The following SLC1A2 variants were observed in gnomAD, a reference collection of about 807,000 sequenced individuals.
SLC1A2 encodes solute carrier family 1 member 2.
A neutral mutation model predicts 48.8 loss-of-function variants in SLC1A2; 15 were observed. That is an observed-to-expected ratio of 0.31 (90% confidence interval 0.21 to 0.47). SLC1A2 has a LOEUF of 0.47. SLC1A2 is among the 20% of genes least tolerant of loss of function. The pLI is 0.99. For missense variants in SLC1A2, 502 were observed against 730.5 expected, an observed-to-expected ratio of 0.69 and a Z score of 3.61; for synonymous variants, 279 against 272.6, an observed-to-expected ratio of 1.02 and a Z score of -0.23.
At position 35,296,796 on chromosome 11, in the gene SLC1A2, G is replaced by T. The variant is rs115813010; in HGVS notation, c.858-4276C>A. 9.3e-3 allele frequency among the ~76,000 whole-genome samples: 1,409 copies of T among 152,212 alleles called. 25 individuals are homozygous for T. The highest frequency in any genetic ancestry group is 0.032 in the African/African-American group (1,338 of 41,494). On this transcript the variant is annotated intron_variant, in intron 6 of 10. Coordinates refer to ENST00000278379, the MANE Select transcript of SLC1A2 (RefSeq NM_004171.4). ...GTCACCTTTCCAGACAGCACCACGT[G>T]GGCCATCACTTCTACCCCCATCACT...
intron 1 of SLC1A2, among the ~76,000 whole-genome samples, chr11:35,360,525 G>C (rs565794092): frequency 1.3e-5 from 2 of 152,238 alleles, no homozygotes; most frequent in East Asian, 3.9e-4. Flanking sequence ...CTTGCTCTTT[G>C]ACATTTAACC....
chr11:35,412,835 GT>G (rs1855502924), intron 1 of SLC1A2, among the ~76,000 whole-genome samples: 1 of 152,192 alleles, frequency 6.6e-6, no homozygotes, highest in Admixed American at 6.5e-5. Flanking sequence ...GACCCATGTG[GT>G]CATGCCCTGG....
At chr11:35,265,822 A>G in intron 9 of SLC1A2, 64 bp from the exon 10 acceptor site, 3 of 1,009,290 alleles carry the variant, frequency 3.0e-6, no homozygotes, top group Non-Finnish European at 3.0e-6. Context: ...TGAGAGGTCA[A>G]GGTCTGGAGT....
At chr11:35,383,257 A>G (rs1020153024) in intron 1 of SLC1A2, among the ~76,000 whole-genome samples, 16 of 152,252 alleles carry the variant, frequency 1.1e-4, no homozygotes, top group Non-Finnish European at 1.5e-5. Flanking sequence ...ATAAACTAAA[A>G]TGACAACAGT....
chr11:35,331,300 C>A (rs1461334274), intron 1 of SLC1A2, among the ~76,000 whole-genome samples: 2 of 152,192 alleles, frequency 1.3e-5, no homozygotes, highest in South Asian at 2.1e-4. Flanking sequence ...TTCCATCGCC[C>A]ATGGAAGCCT....
chr11:35,347,759 G>C (rs924962091), intron 1 of SLC1A2, among the ~76,000 whole-genome samples: 1 of 152,172 alleles, frequency 6.6e-6, no homozygotes, highest in African/African-American at 2.4e-5. Context: ...TTAAAATACA[G>C]ATGAAGTCTT....
intron 1 of SLC1A2, chr11:35,371,074 C>A: frequency 2.0e-6 from 2 of 984,312 alleles, no homozygotes; most frequent in Non-Finnish European, 2.4e-6. Context: ...GTTGACTCAT[C>A]TGTGTTCACT....
At chr11:35,377,274 G>A (rs1219343734) in intron 1 of SLC1A2, among the ~76,000 whole-genome samples, 1 of 152,174 alleles carries the variant, frequency 6.6e-6, no homozygotes, top group South Asian at 2.1e-4. Flanking sequence ...TGGAAACCAC[G>A]TGTCTCAAGA....
chr11:35,277,355 A>C (rs943814804), intron 9 of SLC1A2, among the ~76,000 whole-genome samples: 5 of 152,224 alleles, frequency 3.3e-5, no homozygotes, highest in Admixed American at 2.6e-4. Flanking sequence ...TCTGCTGTGC[A>C]TCAGGCAAAA....
At chr11:35,364,778 C>T (rs1371903252) in intron 1 of SLC1A2, among the ~76,000 whole-genome samples, 1 of 152,206 alleles carries the variant, frequency 6.6e-6, no homozygotes, top group East Asian at 1.9e-4. Context: ...TATCATTATG[C>T]ACACTCAACC....
chr11:35,280,972 G>A lies in SLC1A2; in HGVS notation c.1316C>T (p.Ala439Val), dbSNP rs771969810. ...CAGCCCGGCACTGGGGATACTGGCC[G>A]CGCCGACGCTTGCCAGGGTGGCTGT... ...SLTATLASVG[A>V]ASIPSAGLVT... is the part of the protein sequence containing the mutation. The change falls in exon 9 of 11, where the codon GCG becomes GTG. Residue 439 changes from alanine to valine, a missense_variant. Ala to Val is a moderately conservative substitution (Grantham distance 64). This residue lies in a region of SLC1A2 where 309 missense variants were observed against 480.3 expected (regional missense o/e 0.64). Transcript: ENST00000278379. The A allele has an allele frequency of 3.7e-6, 6 of 1,610,522 alleles. No individual in the cohort carries two copies. Among genetic ancestry groups the A allele is most frequent in the South Asian group, 1.1e-5 (1 of 90,550 alleles).
chr11:35,389,470 T>C (rs1277384918), intron 1 of SLC1A2, among the ~76,000 whole-genome samples: 2 of 152,056 alleles, frequency 1.3e-5, no homozygotes, highest in Non-Finnish European at 2.9e-5. Flanking sequence ...TTCTTCTTAT[T>C]ATTATTTTTC....
intron 1 of SLC1A2, among the ~76,000 whole-genome samples, chr11:35,407,581 C>T (rs1855337700): frequency 6.6e-6 from 1 of 152,210 alleles, no homozygotes; most frequent in East Asian, 1.9e-4. Flanking sequence ...TTCTCTCCAC[C>T]CATTCTCAAC....
chr11:35,389,512 C>T (rs1164801770), intron 1 of SLC1A2, among the ~76,000 whole-genome samples: 1 of 151,654 alleles, frequency 6.6e-6, no homozygotes, highest in Non-Finnish European at 1.5e-5. Context: ...CTCTTGTCAC[C>T]CTGGCTGGAG....
At chr11:35,288,638 T>A (rs1850901163) in intron 7 of SLC1A2, among the ~76,000 whole-genome samples, 1 of 152,218 alleles carries the variant, frequency 6.6e-6, no homozygotes, top group African/African-American at 2.4e-5. Flanking sequence ...TTGCATTCAT[T>A]TTTCCAAAAT....
Position 35,265,542 on chromosome 11 carries a change from T to A in SLC1A2, c.1638A>T (p.Ile546=), listed in dbSNP as rs897084789. 7.0e-6 allele frequency: 11 copies of A among 1,579,168 alleles called. No homozygotes were observed. The Admixed American group carries it at 8.3e-5, about 12-fold the overall frequency. Reference sequence around the variant, plus strand: ...GGAAATGTACCTTGCATTCATCTACTATGACAGAGTTGTGTGCAGCATAGA... The same window carrying A: ...GGAAATGTACCTTGCATTCATCTACAATGACAGAGTTGTGTGCAGCATAGA... ...QCVYAAHNSV[I]VDECKVTLAA... is the part of the protein sequence containing the mutation. The change falls in exon 10 of 11, where the codon ATA becomes ATT. Residue 546 remains isoleucine, a synonymous_variant. Coordinates refer to ENST00000278379, the MANE Select transcript of SLC1A2 (RefSeq NM_004171.4).
intron 1 of SLC1A2, among the ~76,000 whole-genome samples, chr11:35,356,550 A>G (rs190383932): frequency 6.6e-5 from 10 of 152,372 alleles, no homozygotes; most frequent in Admixed American, 3.3e-4. Context: ...CAAGACACCT[A>G]CTTTTGATCA....
chr11:35,402,777 T>C lies in SLC1A2; in HGVS notation c.17+16173A>G, dbSNP rs536766027. Among the ~76,000 whole-genome samples the C allele has an allele frequency of 5.3e-5, 8 of 152,354 alleles. No homozygotes were observed. The South Asian group carries it at 1.7e-3, about 32-fold the overall frequency. ...TGAACTGACTTGCAGGACACCTGCC[T>C]GGTGTCGGGAAAGACACCACGCATT... is the stretch of plus-strand genomic sequence containing the variant. On this transcript the variant is annotated intron_variant, in intron 1 of 10. Transcript: ENST00000278379.
intron 7 of SLC1A2, among the ~76,000 whole-genome samples, chr11:35,287,703 C>T (rs781651091): frequency 6.6e-6 from 1 of 152,196 alleles, no homozygotes. Flanking sequence ...CATGACCAAG[C>T]CTCGAAGGCC....
Sources: gnomAD v4.1 joint callset for allele counts (sites outside exome capture counted in the v4.1 genomes callset) on GRCh38, gnomAD v4.1.1 for gene constraint, gnomAD v4.1.1 regional missense constraint, MANE v1.5 for transcripts, NCBI Gene and HGNC (gene_info 2026-07-23, HGNC 2026-07-21) for gene names.